Variants in MTF2 observed in about 807,000 individuals in gnomAD.
MTF2 encodes the protein metal-response element-binding transcription factor 2.
A neutral mutation model predicts 79.5 loss-of-function variants in MTF2; 11 were observed. That is an observed-to-expected ratio of 0.14 (90% CI 0.09 to 0.23). The LOEUF is 0.23. Among genes scored for constraint, MTF2 ranks in the 10% least tolerant of loss-of-function variants. The probability of loss-of-function intolerance (pLI) is 1.00; values close to 1 mark genes in which losing one functional copy is unlikely to be tolerated. For synonymous variants in MTF2, 208 were observed against 232.8 expected, an observed-to-expected ratio of 0.89 and a Z score of 0.97; for missense variants, 486 against 711.2, an observed-to-expected ratio of 0.68 and a Z score of 3.60.
At chr1:93,129,969 T>C (rs1458096744) in intron 11 of MTF2, among the ~76,000 whole-genome samples, 1 of 152,222 alleles carries the variant, frequency 6.6e-6, no homozygotes, top group Non-Finnish European at 1.5e-5. Context: ...CTTTGTACTT[T>C]AACAATGTGG....
At chr1:93,134,040 T>G in intron 13 of MTF2, 51 bp from the exon 14 acceptor site, 1 of 1,543,034 alleles carries the variant, frequency 6.5e-7, no homozygotes, top group Non-Finnish European at 8.9e-7. Context: ...ATATTAATAT[T>G]TGTTTGTTAT....
At chr1:93,130,268 G>A (rs1351006890) in intron 11 of MTF2, among the ~76,000 whole-genome samples, 1 of 152,098 alleles carries the variant, frequency 6.6e-6, no homozygotes, top group Admixed American at 6.5e-5. Context: ...AGGCATGTAA[G>A]GGATTTAATT....
chr1:93,114,985 A>C lies in MTF2; in HGVS notation c.383-3A>C, dbSNP rs375591963. 159 of 1,569,014 alleles carry C rather than the reference A, an allele frequency of 1.0e-4. No homozygotes were observed. Among genetic ancestry groups the C allele is most frequent in the Non-Finnish European group, 1.3e-4 (146 of 1,146,642 alleles). ...TTTGCTTTATGCTTTTTTTGATATT[A>C]AGGATATCATCAGTTGTGTCACACA... is the stretch of plus-strand genomic sequence containing the variant. On this transcript the variant is annotated splice_region_variant and splice_polypyrimidine_tract_variant and intron_variant, in intron 4 of 14. Coordinates refer to ENST00000370298, the MANE Select transcript of MTF2 (RefSeq NM_007358.4).
intron 1 of MTF2, among the ~76,000 whole-genome samples, chr1:93,097,891 C>G (rs1655362611): frequency 6.6e-6 from 1 of 152,170 alleles, no homozygotes; most frequent in African/African-American, 2.4e-5. Flanking sequence ...AGCCACCATG[C>G]CTGGGCCTTT....
intron 1 of MTF2, among the ~76,000 whole-genome samples, chr1:93,084,264 T>C (rs1178568895): frequency 1.3e-5 from 2 of 152,196 alleles, no homozygotes; most frequent in Non-Finnish European, 2.9e-5. Context: ...CTCATTGACT[T>C]GTGTTTGACA....
chr1:93,117,999 G>C (rs2101069609), intron 6 of MTF2, among the ~76,000 whole-genome samples: 1 of 152,222 alleles, frequency 6.6e-6, no homozygotes, highest in South Asian at 2.1e-4. Flanking sequence ...CTCCAGCCTG[G>C]ACAACATAGC....
intron 1 of MTF2, among the ~76,000 whole-genome samples, chr1:93,097,864 C>G (rs1051682869): frequency 6.6e-6 from 1 of 152,174 alleles, no homozygotes; most frequent in African/African-American, 2.4e-5. Context: ...TCCCACAGTG[C>G]TGGGATTACA....
At chr1:93,089,429 A>G (rs1275162728) in intron 1 of MTF2, among the ~76,000 whole-genome samples, 3 of 152,192 alleles carry the variant, frequency 2.0e-5, no homozygotes, top group Non-Finnish European at 4.4e-5. Flanking sequence ...CCATACCTTG[A>G]AAAGTTTTAG....
At chr1:93,082,995 A>ATGAC (rs1654670300) in intron 1 of MTF2, among the ~76,000 whole-genome samples, 1 of 152,180 alleles carries the variant, frequency 6.6e-6, no homozygotes, top group South Asian at 2.1e-4. Flanking sequence ...TTCACTTAGC[A>ATGAC]TGACTATATT....
At chr1:93,092,722 T>C (rs1655121757) in intron 1 of MTF2, among the ~76,000 whole-genome samples, 1 of 152,176 alleles carries the variant, frequency 6.6e-6, no homozygotes, top group South Asian at 2.1e-4. Context: ...TCTATAAACA[T>C]GTTAGATGAG....
chr1:93,121,528 C>T (rs1302065740), intron 9 of MTF2: 13 of 984,438 alleles, frequency 1.3e-5, no homozygotes, highest in Admixed American at 1.2e-4. Context: ...CTTTGAGACA[C>T]GAAGGACATC....
At chr1:93,102,851 G>A (rs988599347) in intron 1 of MTF2, among the ~76,000 whole-genome samples, 1 of 152,092 alleles carries the variant, frequency 6.6e-6, no homozygotes, top group Non-Finnish European at 1.5e-5. Flanking sequence ...AATTTTATGG[G>A]CCAGGCACGG....
intron 1 of MTF2, among the ~76,000 whole-genome samples, chr1:93,108,607 T>TG (rs2101054380): frequency 8.8e-6 from 1 of 113,254 alleles, no homozygotes; most frequent in African/African-American, 6.0e-5. Context: ...GCTTTCAAGA[T>TG]TTTTTTTTTT....
intron 9 of MTF2, among the ~76,000 whole-genome samples, chr1:93,124,195 T>A (rs1293856066): frequency 6.6e-6 from 1 of 152,078 alleles, no homozygotes; most frequent in Non-Finnish European, 1.5e-5. Flanking sequence ...GCTTGGTACC[T>A]AATGATTATC....
In MTF2 at chr1:93,138,199, G is replaced by C. The variant is rs1390909796; in HGVS notation, c.*1172G>C. ...TATAAAGTGTACCAAGATTTAAATT[G>C]ATAACTTTATTTTACTTGTAAAAAA... On this transcript the variant is annotated 3_prime_UTR_variant, in exon 15 of 15. Transcript: ENST00000370298. 1.3e-5 allele frequency: 2 copies of C among 151,924 alleles called. No individual in the cohort carries two copies. The highest frequency in any genetic ancestry group is 2.9e-5 in the Non-Finnish European group (2 of 67,956). The allele number at this position is 151,924 out of a possible 1,614,324, so 9.4% of individuals were successfully genotyped here.
chr1:93,119,691 A>G lies in MTF2; in HGVS notation c.797+290A>G, dbSNP rs570967023. 3 of 273,024 alleles carry G rather than the reference A, an allele frequency of 1.1e-5. No homozygotes were observed. In the East Asian group the frequency reaches 2.3e-4, roughly 21 times the overall value. 16.9% of individuals were successfully genotyped at this position (273,024 alleles called of 1,614,324 possible). A position where few individuals can be genotyped will look rare whatever the true frequency, so the allele number is the denominator to read the frequency against. ...AGTTCTTTTGAACATTCAGAATACCATACAGTAGAAGAGAGATAGGTATAA... is the reference window on the plus strand; with the variant it reads ...AGTTCTTTTGAACATTCAGAATACCGTACAGTAGAAGAGAGATAGGTATAA... On this transcript the variant is annotated intron_variant, in intron 8 of 14. Transcript: ENST00000370298.
chr1:93,101,018 G>A (rs1655508266), intron 1 of MTF2, among the ~76,000 whole-genome samples: 12 of 152,128 alleles, frequency 7.9e-5, no homozygotes, highest in Admixed American at 7.9e-4. Context: ...TGTGGGCATG[G>A]GAAAGATGGC....
chr1:93,107,028 A>G (rs1655824012), intron 1 of MTF2, among the ~76,000 whole-genome samples: 1 of 152,188 alleles, frequency 6.6e-6, no homozygotes, highest in African/African-American at 2.4e-5. Flanking sequence ...CCCTCTAATT[A>G]TACTACCAAA....
chr1:93,106,461 ATT>A (rs78128436), intron 1 of MTF2, among the ~76,000 whole-genome samples: 4 of 140,386 alleles, frequency 2.8e-5, no homozygotes, highest in Admixed American at 7.1e-5. Context: ...GGCTTTGGCT[ATT>A]TTTTTTTTTT....
Sources: gnomAD v4.1 joint callset for allele counts (sites outside exome capture counted in the v4.1 genomes callset) on GRCh38, gnomAD v4.1.1 for gene constraint, MANE v1.5 for transcripts, NCBI Gene and HGNC (gene_info 2026-07-23, HGNC 2026-07-21) for gene names.